Variants in STXBP5L observed in about 807,000 individuals in gnomAD.
STXBP5L encodes the protein syntaxin binding protein 5L, also known as syntaxin-binding protein 5-like.
In STXBP5L, 65 loss-of-function variants were observed where a neutral mutation model predicts 144.5. That is an observed-to-expected ratio of 0.45 (90% CI 0.37 to 0.55). The LOEUF (loss-of-function observed/expected upper bound fraction) is 0.55. Ranked by LOEUF, STXBP5L falls within the 20% of genes least tolerant of loss-of-function variation. The pLI is 0.00. For synonymous variants in STXBP5L, 505 were observed against 469.6 expected (o/e 1.08, Z -0.97); for missense variants, 1,298 against 1,405.5 (o/e 0.92, Z 1.22).
At chr3:121,027,897 A>T (rs1946068035) in intron 3 of STXBP5L, among the ~76,000 whole-genome samples, 1 of 151,942 alleles carries the variant, frequency 6.6e-6, no homozygotes, top group Non-Finnish European at 1.5e-5. Flanking sequence ...CTTTCCTTTC[A>T]TATATCCTCA....
chr3:121,030,200 A>T (rs1274240831), intron 3 of STXBP5L, among the ~76,000 whole-genome samples: 1 of 152,200 alleles, frequency 6.6e-6, no homozygotes, highest in Non-Finnish European at 1.5e-5. Flanking sequence ...AGGATTATAA[A>T]TCATGCTGCT....
At chr3:121,349,361 G>T (rs2045166053) in intron 20 of STXBP5L, among the ~76,000 whole-genome samples, 1 of 151,874 alleles carries the variant, frequency 6.6e-6, no homozygotes, top group Admixed American at 6.6e-5. Context: ...ATTTGCTGAG[G>T]AGTGCTTTAC....
At chr3:121,394,676 C>T (rs1226437817) in intron 22 of STXBP5L, among the ~76,000 whole-genome samples, 2 of 143,304 alleles carry the variant, frequency 1.4e-5, no homozygotes, top group Admixed American at 7.3e-5. Context: ...ACGATCTCAG[C>T]TCACTGCAAG....
intron 20 of STXBP5L, among the ~76,000 whole-genome samples, chr3:121,332,842 A>T (rs1048628715): frequency 6.6e-6 from 1 of 151,294 alleles, no homozygotes; most frequent in Non-Finnish European, 1.5e-5. Context: ...GTCAAAGTGA[A>T]GTAAAGAATG....
chr3:121,040,932 G>A (rs1795418), intron 3 of STXBP5L, among the ~76,000 whole-genome samples: 121,516 of 152,070 alleles, frequency 0.8, 49,023 homozygotes, highest in Admixed American at 0.84. Flanking sequence ...CATTATGACC[G>A]TAAGTGGAGA....
intron 5 of STXBP5L, among the ~76,000 whole-genome samples, chr3:121,061,210 T>C (rs557614445): frequency 1.3e-4 from 20 of 152,340 alleles, no homozygotes; most frequent in African/African-American, 4.6e-4. Flanking sequence ...TCTTTATTTC[T>C]GCCTTAATTT....
chr3:121,348,934 G>T (rs980228080), intron 20 of STXBP5L, among the ~76,000 whole-genome samples: 2 of 152,046 alleles, frequency 1.3e-5, no homozygotes, highest in South Asian at 4.2e-4. Context: ...ATTTTTTGAA[G>T]GGTTTTTTGT....
intron 25 of STXBP5L, among the ~76,000 whole-genome samples, chr3:121,416,387 T>C (rs2047233880): frequency 6.7e-6 from 1 of 150,166 alleles, no homozygotes; most frequent in Non-Finnish European, 1.5e-5. Context: ...TCCTACAGAA[T>C]AAATTACTTT....
rs1219003445 is a variant in STXBP5L, at chr3:121,078,670, G to GC, written c.470+33139dup. On this transcript the variant is annotated intron_variant, in intron 5 of 26. Transcript: ENST00000471454. ...TGGCCAGCTGCAGGTTCTGAGCCCT[G>GC]CCCCGCTGCAGGTTCTGAGCCCTGC... Among the ~76,000 whole-genome samples the GC allele has an allele frequency of 3.3e-5, 5 of 151,928 alleles. No homozygotes were observed. The East Asian group carries it at 9.6e-4, about 29-fold the overall frequency.
chr3:121,352,279 T>C (rs182096000), intron 20 of STXBP5L, among the ~76,000 whole-genome samples: 58 of 152,310 alleles, frequency 3.8e-4, no homozygotes, highest in South Asian at 2.9e-3. Flanking sequence ...TTGGGCAGTA[T>C]GGCCATTTTC....
chr3:121,078,862 A>G (rs1320493397), intron 5 of STXBP5L, among the ~76,000 whole-genome samples: 1 of 152,224 alleles, frequency 6.6e-6, no homozygotes, highest in Non-Finnish European at 1.5e-5. Flanking sequence ...GGGGCCCGCC[A>G]AGCCCATGCC....
chr3:120,987,046 C>A (rs1388827995), intron 3 of STXBP5L, among the ~76,000 whole-genome samples: 1 of 151,654 alleles, frequency 6.6e-6, no homozygotes, highest in South Asian at 2.1e-4. Context: ...CAAAGCTTTC[C>A]GAATTTGATG....
At chr3:120,966,894 C>T (rs1421634454) in intron 3 of STXBP5L, among the ~76,000 whole-genome samples, 1 of 152,146 alleles carries the variant, frequency 6.6e-6, no homozygotes, top group East Asian at 1.9e-4. Context: ...TCAGCTATAC[C>T]CTGCCCAGAG....
intron 5 of STXBP5L, among the ~76,000 whole-genome samples, chr3:121,094,985 C>G (rs555531026): frequency 1.2e-3 from 190 of 152,194 alleles, no homozygotes; most frequent in Non-Finnish European, 2.0e-3. Context: ...CAAAATCTCT[C>G]AGCATTTGCT....
intron 6 of STXBP5L, among the ~76,000 whole-genome samples, chr3:121,120,891 A>G (rs1487369782): frequency 6.6e-6 from 1 of 151,180 alleles, no homozygotes; most frequent in Non-Finnish European, 1.5e-5. Flanking sequence ...TTGTTATATC[A>G]GATCAGATCA....
At chr3:121,313,604 C>T (rs1427549731) in intron 19 of STXBP5L, among the ~76,000 whole-genome samples, 1 of 58,022 alleles carries the variant, frequency 1.7e-5, no homozygotes, top group Non-Finnish European at 3.6e-5. Context: ...GGCGGCTGGC[C>T]GACCCCCCCC....
chr3:121,238,312 T>C (rs1440196606), intron 12 of STXBP5L, among the ~76,000 whole-genome samples: 4 of 152,084 alleles, frequency 2.6e-5, no homozygotes, highest in African/African-American at 9.7e-5. Context: ...GATTACATGA[T>C]GAAAGAAGAA....
chr3:121,398,271 G>C (rs138647439), intron 22 of STXBP5L, among the ~76,000 whole-genome samples: 2 of 152,174 alleles, frequency 1.3e-5, no homozygotes, highest in Non-Finnish European at 2.9e-5. Context: ...TATTGTCCCC[G>C]CTGGCAAGGA....
At chr3:120,943,320 G>T (rs2107658738) in intron 2 of STXBP5L, among the ~76,000 whole-genome samples, 1 of 151,782 alleles carries the variant, frequency 6.6e-6, no homozygotes, top group East Asian at 1.9e-4. Context: ...GACAACATTT[G>T]CAAAGACATT....
Sources: allele counts gnomAD v4.1 joint callset (sites outside exome capture counted in the v4.1 genomes callset), GRCh38; gene constraint gnomAD v4.1.1; transcripts MANE v1.5; gene names NCBI Gene and HGNC (gene_info 2026-07-23, HGNC 2026-07-21).